The following EPHA6 variants were observed in gnomAD, a reference collection of about 807,000 sequenced individuals.
The protein encoded by EPHA6 is EPH receptor A6, also known as ephrin type-A receptor 6.
A neutral mutation model predicts 112.0 loss-of-function variants in EPHA6; 50 were observed. The observed-to-expected ratio is 0.45, with a 90% CI of 0.36 to 0.56. The LOEUF is 0.56. Ranked by LOEUF, EPHA6 falls within the 20% of genes least tolerant of loss-of-function variation. The pLI, the probability that EPHA6 is intolerant of heterozygous loss-of-function variation, is 0.00. For missense variants in EPHA6, 1,280 were observed against 1,417.4 expected (o/e 0.90, Z 1.56); for synonymous variants, 529 against 490.7 (o/e 1.08, Z -1.03).
intron 5 of EPHA6, among the ~76,000 whole-genome samples, chr3:97,385,613 G>A (rs2086015769): frequency 1.3e-5 from 2 of 152,264 alleles, no homozygotes; most frequent in South Asian, 4.1e-4. Flanking sequence ...TTATCTAAGT[G>A]TGTTAGTCCA....
chr3:97,351,364 T>C (rs1014257197), intron 5 of EPHA6, among the ~76,000 whole-genome samples: 9 of 152,232 alleles, frequency 5.9e-5, no homozygotes, highest in Non-Finnish European at 1.2e-4. Context: ...TCCTAAGCAA[T>C]GTGCATGTAG....
chr3:97,043,014 T>C (rs545386124), intron 3 of EPHA6, among the ~76,000 whole-genome samples: 11 of 152,294 alleles, frequency 7.2e-5, no homozygotes, highest in African/African-American at 2.6e-4. Flanking sequence ...AGCAACTGTC[T>C]TATTGCAAAC....
chr3:97,200,614 C>A (rs2077556042), intron 3 of EPHA6, among the ~76,000 whole-genome samples: 1 of 152,046 alleles, frequency 6.6e-6, no homozygotes, highest in African/African-American at 2.4e-5. Context: ...TTAGTTACAC[C>A]GTGATTGACA....
rs945121099 is a variant in EPHA6, at chr3:97,119,754, T to A, written c.1115-106510T>A. On this transcript the variant is annotated intron_variant, in intron 3 of 17. Coordinates refer to ENST00000389672, the MANE Select transcript of EPHA6 (RefSeq NM_001080448.3). ...AGAATGAACATATAATTGTTACTCA[T>A]GTTTTTGTATTATTTTAGTTGTTTA... 4.6e-5 allele frequency among the ~76,000 whole-genome samples: 7 copies of A among 152,038 alleles called. No homozygotes were observed. The South Asian group carries it at 1.0e-3, about 22-fold the overall frequency.
intron 5 of EPHA6, among the ~76,000 whole-genome samples, chr3:97,262,867 T>C (rs1576796121): frequency 6.6e-6 from 1 of 152,314 alleles, no homozygotes; most frequent in Middle Eastern, 3.4e-3. Flanking sequence ...ACTTGGCTCA[T>C]TCTAGGCACC....
intron 12 of EPHA6, among the ~76,000 whole-genome samples, chr3:97,602,984 TG>T (rs2093654518): frequency 6.6e-6 from 1 of 152,006 alleles, no homozygotes; most frequent in South Asian, 2.1e-4. Flanking sequence ...TTCATAATTT[TG>T]GGGAAGCAAA....
intron 2 of EPHA6, among the ~76,000 whole-genome samples, chr3:96,967,612 TC>T (rs1483353923): frequency 6.6e-6 from 1 of 151,952 alleles, no homozygotes; most frequent in East Asian, 1.9e-4. Context: ...TTTCTAGAAA[TC>T]CATTTTAACT....
intron 2 of EPHA6, among the ~76,000 whole-genome samples, chr3:96,950,284 A>G (rs559936308): frequency 6.6e-6 from 1 of 152,204 alleles, no homozygotes; most frequent in South Asian, 2.1e-4. Context: ...ATTGTCCAAG[A>G]CTACTCATGC....
At position 97,221,571 on chromosome 3, in the gene EPHA6, A is replaced by C. The variant is rs527807021; in HGVS notation, c.1115-4693A>C. On this transcript the variant is annotated intron_variant, in intron 3 of 17. Transcript: ENST00000389672. Reference sequence around the variant, plus strand: ...AGAAGGAAAGAATATATAAGAAAGAAATTTAAAAGTTCTCAAGACATGAGT... The same window carrying C: ...AGAAGGAAAGAATATATAAGAAAGACATTTAAAAGTTCTCAAGACATGAGT... Among the ~76,000 whole-genome samples, 4 of 152,210 alleles carry C rather than the reference A, an allele frequency of 2.6e-5. No individual in the cohort carries two copies. In the South Asian group the frequency reaches 6.2e-4, roughly 24 times the overall value.
At chr3:97,580,941 A>G (rs1222743082) in intron 11 of EPHA6, among the ~76,000 whole-genome samples, 4 of 152,216 alleles carry the variant, frequency 2.6e-5, no homozygotes, top group Non-Finnish European at 5.9e-5. Context: ...CTTCGAGGCC[A>G]TAGTTGAGGT....
At chr3:97,179,752 TC>T (rs2076936892) in intron 3 of EPHA6, among the ~76,000 whole-genome samples, 1 of 149,494 alleles carries the variant, frequency 6.7e-6, no homozygotes, top group Non-Finnish European at 1.5e-5. Context: ...TCTCTCTCTC[TC>T]TCTCTCTCCT....
intron 13 of EPHA6, among the ~76,000 whole-genome samples, chr3:97,611,102 A>ATGTG (rs902210168): frequency 6.6e-6 from 1 of 151,376 alleles, no homozygotes; most frequent in Non-Finnish European, 1.5e-5. Flanking sequence ...GTGTATATAT[A>ATGTG]TGTGTGTGTG....
intron 6 of EPHA6, among the ~76,000 whole-genome samples, chr3:97,425,105 C>G (rs761176468): frequency 4.6e-5 from 7 of 152,194 alleles, no homozygotes; most frequent in Non-Finnish European, 4.4e-5. Flanking sequence ...CTATCACAGG[C>G]TGGCGTTGAG....
intron 3 of EPHA6, among the ~76,000 whole-genome samples, chr3:96,994,818 A>C (rs1427721660): frequency 1.3e-5 from 2 of 149,582 alleles, no homozygotes; most frequent in Non-Finnish European, 3.0e-5. Flanking sequence ...ATATAGAGAG[A>C]GAGAGAGAGA....
intron 1 of EPHA6, among the ~76,000 whole-genome samples, chr3:96,865,698 A>C (rs556637614): frequency 2.0e-4 from 28 of 141,350 alleles, no homozygotes; most frequent in South Asian, 9.5e-4. Flanking sequence ...AACAAACAAA[A>C]AAAAAAAAAA....
intron 5 of EPHA6, among the ~76,000 whole-genome samples, chr3:97,330,705 A>G (rs2082749547): frequency 6.6e-6 from 1 of 152,246 alleles, no homozygotes; most frequent in African/African-American, 2.4e-5. Flanking sequence ...ACTATCCTAA[A>G]TATATATGCA....
At chr3:97,389,248 A>C (rs1356495263) in intron 5 of EPHA6, among the ~76,000 whole-genome samples, 3 of 152,234 alleles carry the variant, frequency 2.0e-5, no homozygotes, top group African/African-American at 7.2e-5. Context: ...GCATACACTC[A>C]GAATGATGCT....
At chr3:97,611,009 T>C (rs2093715266) in intron 13 of EPHA6, among the ~76,000 whole-genome samples, 155 bp downstream of exon 13, 1 of 151,796 alleles carries the variant, frequency 6.6e-6, no homozygotes. Flanking sequence ...GATACTGTGA[T>C]ACATTAGAGT....
chr3:96,843,461 C>T (rs1483994782), intron 1 of EPHA6, among the ~76,000 whole-genome samples: 1 of 151,860 alleles, frequency 6.6e-6, no homozygotes, highest in African/African-American at 2.4e-5. Flanking sequence ...TTTACAGAAC[C>T]CTTTCTTTAA....
Sources: gnomAD v4.1 joint callset for allele counts (sites outside exome capture counted in the v4.1 genomes callset) on GRCh38, gnomAD v4.1.1 for gene constraint, MANE v1.5 for transcripts, NCBI Gene and HGNC (gene_info 2026-07-23, HGNC 2026-07-21) for gene names.